The following FHIT variants were observed in gnomAD, a reference collection of about 807,000 sequenced individuals.
FHIT encodes the protein bis(5'-adenosyl)-triphosphatase.
In FHIT, 19 loss-of-function variants were observed where a neutral mutation model predicts 17.9. The observed-to-expected ratio is 1.06, with a 90% CI of 0.74 to 1.56. The LOEUF (loss-of-function observed/expected upper bound fraction) is 1.56. Among genes scored for constraint, FHIT ranks in the 40% most tolerant of loss-of-function variants. The pLI, the probability that FHIT is intolerant of heterozygous loss-of-function variation, is 0.00. For missense variants in FHIT, 248 were observed against 189.2 expected (o/e 1.31, Z -1.82); for synonymous variants, 81 against 69.7 (o/e 1.16, Z -0.81).
intron 7 of FHIT, among the ~76,000 whole-genome samples, chr3:59,994,591 C>T (rs1462588704): frequency 6.6e-6 from 1 of 152,106 alleles, no homozygotes; most frequent in East Asian, 1.9e-4. Flanking sequence ...AGCTGACAAC[C>T]TCTGTGGGGA....
chr3:60,887,025 AT>A (rs1705255490), intron 3 of FHIT, among the ~76,000 whole-genome samples: 1 of 152,268 alleles, frequency 6.6e-6, no homozygotes, highest in East Asian at 1.9e-4. Context: ...CAACTATGTT[AT>A]TTTTTTACCA....
At chr3:60,416,350 G>T (rs1275542169) in intron 5 of FHIT, among the ~76,000 whole-genome samples, 2 of 152,116 alleles carry the variant, frequency 1.3e-5, no homozygotes, top group Non-Finnish European at 2.9e-5. Context: ...CTGTGATACA[G>T]AAATCCTATT....
In FHIT at chr3:60,991,418, G is replaced by T. The variant is rs146978767; in HGVS notation, c.-111+50629C>A. ...ATTAATGACAAGGACAGCCACCGAAGGTTCAAATCTCGGAAATGATAGATT... is the reference window on the plus strand; with the variant it reads ...ATTAATGACAAGGACAGCCACCGAATGTTCAAATCTCGGAAATGATAGATT... On this transcript the variant is annotated intron_variant, in intron 3 of 9. Transcript: ENST00000492590. Among the ~76,000 whole-genome samples the T allele has an allele frequency of 2.0e-3, 305 of 152,316 alleles. 3 individuals carry two copies. The highest frequency in any genetic ancestry group is 3.4e-3 in the Non-Finnish European group (231 of 68,032).
chr3:60,211,620 T>G (rs1703456767), intron 5 of FHIT, among the ~76,000 whole-genome samples: 1 of 152,202 alleles, frequency 6.6e-6, no homozygotes, highest in African/African-American at 2.4e-5. Flanking sequence ...TCATGGTAAT[T>G]AAATTATTTG....
rs1414752435 is a variant in FHIT, at chr3:60,373,029, AAATTT to A, written c.103+163826_103+163830del. Among the ~76,000 whole-genome samples the A allele has an allele frequency of 2.2e-5, 3 of 138,810 alleles. No homozygotes were observed. In the East Asian group the frequency reaches 5.8e-4, roughly 27 times the overall value. 91.1% of individuals were successfully genotyped at this position (138,810 alleles called of 152,430 possible). Reference sequence around the variant, plus strand: ...AAAATAATTGGATTAAAATCATATGAAATTTATTTATTTATTCAACAAATATTAAA... The same window carrying A: ...AAAATAATTGGATTAAAATCATATGAATTTATTTATTCAACAAATATTAAA... On this transcript the variant is annotated intron_variant, in intron 5 of 9. Coordinates refer to ENST00000492590, the MANE Select transcript of FHIT (RefSeq NM_002012.4).
At position 59,775,424 on chromosome 3, in the gene FHIT, G is replaced by T. The variant is rs1004571930; in HGVS notation, c.349-23103C>A. On this transcript the variant is annotated intron_variant, in intron 8 of 9. Transcript: ENST00000492590. ...CTCTAGGTGCCTACCTCAGTGAATTGGTTCTCCTGTGCATTTTATACATCA... is the reference window on the plus strand; with the variant it reads ...CTCTAGGTGCCTACCTCAGTGAATTTGTTCTCCTGTGCATTTTATACATCA... Among the ~76,000 whole-genome samples, 9 of 152,126 alleles carry T rather than the reference G, an allele frequency of 5.9e-5. No homozygotes were observed. In the South Asian group the frequency reaches 6.2e-4, roughly 11 times the overall value.
intron 8 of FHIT, among the ~76,000 whole-genome samples, chr3:59,896,545 C>T (rs1050980732): frequency 2.0e-5 from 3 of 152,122 alleles, no homozygotes; most frequent in Non-Finnish European, 2.9e-5. Context: ...AAATCTCCCT[C>T]GTTCTCTTTA....
At chr3:60,025,293 G>C (rs370233829) in intron 5 of FHIT, among the ~76,000 whole-genome samples, 12 of 152,176 alleles carry the variant, frequency 7.9e-5, no homozygotes, top group African/African-American at 2.2e-4. Context: ...TGGTGCATAT[G>C]TGCACGCACA....
At chr3:59,763,047 C>G (rs559876192) in intron 8 of FHIT, among the ~76,000 whole-genome samples, 3 of 152,260 alleles carry the variant, frequency 2.0e-5, no homozygotes, top group Admixed American at 1.3e-4. Context: ...TTTTCCCCCC[C>G]GCCGGTGTTT....
intron 5 of FHIT, among the ~76,000 whole-genome samples, chr3:60,301,872 C>T (rs1227536235): frequency 2.0e-5 from 3 of 152,084 alleles, no homozygotes; most frequent in African/African-American, 7.2e-5. Flanking sequence ...TGCACTCATA[C>T]ATTTCCTCAG....
At chr3:60,066,373 G>A (rs1215497682) in intron 5 of FHIT, among the ~76,000 whole-genome samples, 1 of 152,096 alleles carries the variant, frequency 6.6e-6, no homozygotes, top group Non-Finnish European at 1.5e-5. Context: ...AGGTTTTATT[G>A]AAAGTGAGTT....
At chr3:60,842,587 G>A (rs1316067925) in intron 3 of FHIT, among the ~76,000 whole-genome samples, 1 of 136,700 alleles carries the variant, frequency 7.3e-6, no homozygotes, top group African/African-American at 2.8e-5. Flanking sequence ...AGAACCTAGA[G>A]AAATTAAATG....
chr3:60,534,988 A>C (rs2035929509), intron 5 of FHIT, among the ~76,000 whole-genome samples: 1 of 152,246 alleles, frequency 6.6e-6, no homozygotes, highest in Admixed American at 6.5e-5. Flanking sequence ...TGAGTAAAAA[A>C]ACTACAAAGC....
intron 5 of FHIT, among the ~76,000 whole-genome samples, chr3:60,503,662 T>C (rs943041793): frequency 1.3e-5 from 2 of 152,154 alleles, no homozygotes; most frequent in African/African-American, 4.8e-5. Flanking sequence ...ATGAAACCAC[T>C]GAAAATGAAG....
At chr3:60,656,249 A>C (rs1553689539) in intron 4 of FHIT, among the ~76,000 whole-genome samples, 1 of 152,180 alleles carries the variant, frequency 6.6e-6, no homozygotes, top group Admixed American at 6.5e-5. Context: ...CTTCACCCCA[A>C]ATTCCTATCC....
chr3:60,015,416 C>A (rs189298678), intron 5 of FHIT, among the ~76,000 whole-genome samples: 2 of 152,248 alleles, frequency 1.3e-5, no homozygotes, highest in Admixed American at 1.3e-4. Context: ...AGAAGGGAGG[C>A]GTTCACCCAC....
At chr3:60,693,381 G>C (rs1219792037) in intron 4 of FHIT, among the ~76,000 whole-genome samples, 1 of 152,154 alleles carries the variant, frequency 6.6e-6, no homozygotes, top group African/African-American at 2.4e-5. Flanking sequence ...TGGGGAAGGA[G>C]TAAAAGACAA....
intron 5 of FHIT, among the ~76,000 whole-genome samples, chr3:60,103,488 AAGGGATCTGGCT>A (rs1227504320): frequency 6.6e-6 from 1 of 152,226 alleles, no homozygotes; most frequent in African/African-American, 2.4e-5. Flanking sequence ...ACAGGATAAA[AAGGGATCTGGCT>A]AGGGAAAATA....
chr3:60,098,722 C>G (rs1211216870), intron 5 of FHIT, among the ~76,000 whole-genome samples: 2 of 152,036 alleles, frequency 1.3e-5, no homozygotes, highest in Non-Finnish European at 2.9e-5. Context: ...TTAGTTCTTA[C>G]TAATATTTTC....
Sources: gnomAD v4.1 joint callset for allele counts (sites outside exome capture counted in the v4.1 genomes callset) on GRCh38, gnomAD v4.1.1 for gene constraint, MANE v1.5 for transcripts, NCBI Gene and HGNC (gene_info 2026-07-23, HGNC 2026-07-21) for gene names.